The following ZNF431 variants were observed in gnomAD, a reference collection of about 807,000 sequenced individuals.
ZNF431 encodes zinc finger protein 431.
Under a neutral mutation model 57.0 loss-of-function variants are expected in ZNF431, and 34 were observed. The ratio of observed to expected loss-of-function variants is 0.60; its 90% CI spans 0.45 to 0.79. The LOEUF is 0.79. ZNF431 is among the 30% of genes least tolerant of loss of function. ZNF431 has a pLI of 0.00. For synonymous variants in ZNF431, 207 were observed against 220.3 expected, an observed-to-expected ratio of 0.94 and a Z score of 0.54; for missense variants, 607 against 667.1, an observed-to-expected ratio of 0.91 and a Z score of 0.99.
rs573940325 is a variant in ZNF431, at chr19:21,177,846, T to A, written c.320-4777T>A. Among the ~76,000 whole-genome samples, 14 of 152,146 alleles carry A rather than the reference T, an allele frequency of 9.2e-5. No individual in the cohort carries two copies. The East Asian group carries it at 1.2e-3, about 13-fold the overall frequency. ...GTCTTTTGGGTTTTCATATGAGTTT[T>A]AAATTTTTTTTTTTTCTAATTCTGT... On this transcript the variant is annotated intron_variant, in intron 4 of 4. Transcript: ENST00000311048.
At chr19:21,142,884 T>C (rs1161195859) in intron 1 of ZNF431, among the ~76,000 whole-genome samples, 1 of 152,178 alleles carries the variant, frequency 6.6e-6, no homozygotes, top group Non-Finnish European at 1.5e-5. Flanking sequence ...TACTGAAAAA[T>C]GTACGTCAGT....
At chr19:21,179,787 C>T (rs1026909518) in intron 4 of ZNF431, among the ~76,000 whole-genome samples, 11 of 151,422 alleles carry the variant, frequency 7.3e-5, no homozygotes, top group East Asian at 2.0e-4. Flanking sequence ...CTCGAACTCC[C>T]GACCTCAGGT....
intron 2 of ZNF431, among the ~76,000 whole-genome samples, chr19:21,156,200 A>G (rs1263892494): frequency 6.6e-6 from 1 of 152,224 alleles, no homozygotes; most frequent in Non-Finnish European, 1.5e-5. Context: ...AATCTGCCAC[A>G]GCAACCTGTT....
Position 21,183,813 on chromosome 19 carries a change from A to C in ZNF431, c.1510A>C (p.Ile504Leu). The change falls in exon 5 of 5, where the codon ATA becomes CTA. Residue 504 changes from isoleucine to leucine, a missense_variant. Transcript: ENST00000311048. ...NRSSNLTKHKIIHTGEKSYKC... is the reference protein window; with the variant it reads ...NRSSNLTKHKLIHTGEKSYKC... ...ATCCTCAAATCTTACTAAACATAAG[A>C]TAATTCATACAGGAGAGAAATCTTA... The C allele has an allele frequency of 6.2e-7, 1 of 1,614,052 alleles. No individual in the cohort carries two copies.
At chr19:21,171,164 TAA>T (rs1430036683) in intron 4 of ZNF431, among the ~76,000 whole-genome samples, 2 of 151,220 alleles carry the variant, frequency 1.3e-5, no homozygotes, top group East Asian at 3.9e-4. Flanking sequence ...CATGCTTATT[TAA>T]AAAGTTTCTT....
intron 4 of ZNF431, among the ~76,000 whole-genome samples, chr19:21,173,255 A>G (rs1970957751): frequency 6.6e-6 from 1 of 152,188 alleles, no homozygotes; most frequent in African/African-American, 2.4e-5. Flanking sequence ...ATGGATGTTC[A>G]AATATGTCTT....
At chr19:21,180,745 G>A (rs768960237) in intron 4 of ZNF431, among the ~76,000 whole-genome samples, 8 of 151,904 alleles carry the variant, frequency 5.3e-5, no homozygotes, top group African/African-American at 1.5e-4. Flanking sequence ...TCAAGAGATC[G>A]AGACCACCCT....
intron 2 of ZNF431, among the ~76,000 whole-genome samples, chr19:21,161,425 C>T (rs930207880): frequency 6.6e-6 from 1 of 152,068 alleles, no homozygotes; most frequent in African/African-American, 2.4e-5. Context: ...GCTAAGAATA[C>T]ATATATATCA....
At chr19:21,154,026 A>AT (rs954029324) in intron 2 of ZNF431, among the ~76,000 whole-genome samples, 3 of 150,956 alleles carry the variant, frequency 2.0e-5, no homozygotes, top group Admixed American at 6.6e-5. Flanking sequence ...GGAGTCCCCA[A>AT]TTTTTTTTTT....
intron 4 of ZNF431, among the ~76,000 whole-genome samples, chr19:21,177,404 G>T (rs1035069427): frequency 1.3e-5 from 2 of 152,082 alleles, no homozygotes; most frequent in East Asian, 3.9e-4. Flanking sequence ...TTTTATAACA[G>T]TACCAGGCAG....
chr19:21,154,726 A>G (rs2144953471), intron 2 of ZNF431, among the ~76,000 whole-genome samples: 1 of 152,184 alleles, frequency 6.6e-6, no homozygotes, highest in East Asian at 1.9e-4. Context: ...CTGGTGTGAG[A>G]TGGTATCTCA....
In ZNF431 at chr19:21,144,006, A is replaced by G. The variant is rs147050612; in HGVS notation, c.96+363A>G. On this transcript the variant is annotated intron_variant, in intron 2 of 4. Coordinates refer to ENST00000311048, the MANE Select transcript of ZNF431 (RefSeq NM_133473.4). Reference sequence around the variant, plus strand: ...TCCTGTATGGGTGGTTCATGAGCACATAAGTGAGCAGGAGTGGGTGGAAGA... The same window carrying G: ...TCCTGTATGGGTGGTTCATGAGCACGTAAGTGAGCAGGAGTGGGTGGAAGA... Among the ~76,000 whole-genome samples, 723 of 152,156 alleles carry G rather than the reference A, an allele frequency of 4.8e-3. 7 individuals are homozygous for G. Among genetic ancestry groups the G allele is most frequent in the African/African-American group, 0.016 (673 of 41,514 alleles).
At chr19:21,176,012 C>T (rs1264379856) in intron 4 of ZNF431, among the ~76,000 whole-genome samples, 4 of 152,234 alleles carry the variant, frequency 2.6e-5, no homozygotes, top group African/African-American at 9.6e-5. Flanking sequence ...CTGGCTTTCA[C>T]AATGGTTGAA....
chr19:21,156,428 A>C (rs1014252120), intron 2 of ZNF431, among the ~76,000 whole-genome samples: 53 of 152,072 alleles, frequency 3.5e-4, no homozygotes, highest in African/African-American at 1.2e-3. Flanking sequence ...TATATAGGTA[A>C]AATTGTGTCA....
intron 2 of ZNF431, chr19:21,151,023 C>T (rs1414066863): frequency 6.6e-6 from 1 of 152,098 alleles, no homozygotes; most frequent in Non-Finnish European, 1.5e-5. Context: ...ATCTGCTGTA[C>T]TTAAGCTGAC....
In ZNF431 at chr19:21,183,750, C is replaced by A. The variant is rs749228437; in HGVS notation, c.1447C>A (p.Pro483Thr). The change falls in exon 5 of 5, where the codon CCC becomes ACC. Residue 483 changes from proline to threonine, a missense_variant. Physicochemically the swap from Pro to Thr is conservative, Grantham distance 38. Coordinates refer to ENST00000311048, the MANE Select transcript of ZNF431 (RefSeq NM_133473.4). ...TAAGAGAATTCACACTGGAGAGAAACCCTACAAATGTGAAGAATGTGGCAA... is the reference window on the plus strand; with the variant it reads ...TAAGAGAATTCACACTGGAGAGAAAACCTACAAATGTGAAGAATGTGGCAA... Reference protein sequence around the residue: ...THKRIHTGEKPYKCEECGKAF... With the variant: ...THKRIHTGEKTYKCEECGKAF... The A allele has an allele frequency of 1.2e-4, 193 of 1,613,636 alleles. No individual in the cohort carries two copies. The highest frequency in any genetic ancestry group is 1.6e-4 in the Non-Finnish European group (184 of 1,179,964).
chr19:21,142,303 G>A lies in ZNF431; in HGVS notation c.3+117G>A, dbSNP rs1446707452. 5.5e-6 allele frequency: 8 copies of A among 1,444,854 alleles called. No homozygotes were observed. The East Asian group carries it at 1.6e-4, about 29-fold the overall frequency. The allele number at this position is 1,444,854 out of a possible 1,614,324, so 89.5% of individuals were successfully genotyped here. ...GTCAGCTCCACAGTCTGCGCCCCGA[G>A]TTCTCCTTGCCCAGCTCGGCCTCAG... On this transcript the variant is annotated intron_variant, in intron 1 of 4. Transcript: ENST00000311048.
intron 2 of ZNF431, among the ~76,000 whole-genome samples, chr19:21,160,345 A>T (rs1342330631): frequency 6.6e-6 from 1 of 152,206 alleles, no homozygotes; most frequent in African/African-American, 2.4e-5. Flanking sequence ...TGATGACAGA[A>T]TCTTTAAGTT....
At chr19:21,143,994 G>A (rs968842708) in intron 2 of ZNF431, among the ~76,000 whole-genome samples, 1 of 151,752 alleles carries the variant, frequency 6.6e-6, no homozygotes, top group African/African-American at 2.4e-5. Context: ...TGTATGGGTG[G>A]TTCATGAGCA....
Sources: allele counts gnomAD v4.1 joint callset (sites outside exome capture counted in the v4.1 genomes callset), GRCh38; gene constraint gnomAD v4.1.1; transcripts MANE v1.5; gene names NCBI Gene and HGNC (gene_info 2026-07-23, HGNC 2026-07-21).